Variants in CDH18 observed in about 807,000 individuals in gnomAD.
CDH18 encodes the protein cadherin 18.
In CDH18, 31 loss-of-function variants were observed where a neutral mutation model predicts 67.9. The ratio of observed to expected loss-of-function variants is 0.46; its 90% CI spans 0.34 to 0.62. The LOEUF is 0.62. Among genes scored for constraint, CDH18 ranks in the 20% least tolerant of loss-of-function variants. CDH18 has a pLI of 0.01. For synonymous variants in CDH18, 362 were observed against 347.2 expected (o/e 1.04, Z -0.48); for missense variants, 890 against 975.5 (o/e 0.91, Z 1.17).
At chr5:20,249,861 G>GT (rs1459904192) in intron 2 of CDH18, among the ~76,000 whole-genome samples, 1 of 152,160 alleles carries the variant, frequency 6.6e-6, no homozygotes, top group Non-Finnish European at 1.5e-5. Flanking sequence ...GAGAAGAAGA[G>GT]TGTGAACATT....
At chr5:20,435,971 A>G (rs370269921) in intron 1 of CDH18, among the ~76,000 whole-genome samples, 2 of 152,020 alleles carry the variant, frequency 1.3e-5, no homozygotes, top group African/African-American at 4.8e-5. Context: ...AAGTACTTCT[A>G]AGTTTTCAAA....
At chr5:20,315,526 G>C (rs962531160) in intron 1 of CDH18, among the ~76,000 whole-genome samples, 3 of 152,052 alleles carry the variant, frequency 2.0e-5, no homozygotes. Flanking sequence ...TTTAACAAGG[G>C]CCTACTGAGC....
At chr5:20,511,447 T>C (rs72746847) in intron 1 of CDH18, among the ~76,000 whole-genome samples, 3 of 152,130 alleles carry the variant, frequency 2.0e-5, no homozygotes, top group Admixed American at 1.3e-4. Context: ...TTGCCAGCCA[T>C]TTTTTATAAT....
chr5:19,521,131 T>C (rs1370517248), intron 9 of CDH18, among the ~76,000 whole-genome samples: 4 of 152,186 alleles, frequency 2.6e-5, no homozygotes, highest in Non-Finnish European at 4.4e-5. Flanking sequence ...AACACAGCAG[T>C]TGGTAAAAAA....
chr5:20,557,444 CAT>C (rs1452655556), intron 1 of CDH18, among the ~76,000 whole-genome samples: 2 of 151,954 alleles, frequency 1.3e-5, no homozygotes, highest in African/African-American at 4.8e-5. Flanking sequence ...AGTAGTAACA[CAT>C]ATGTGATAAA....
At chr5:19,535,026 A>G (rs1248052370) in intron 9 of CDH18, among the ~76,000 whole-genome samples, 1 of 152,184 alleles carries the variant, frequency 6.6e-6, no homozygotes, top group Non-Finnish European at 1.5e-5. Flanking sequence ...GGGCCCAGTC[A>G]CATTTTGAAA....
intron 2 of CDH18, among the ~76,000 whole-genome samples, chr5:20,166,773 C>G (rs913309750): frequency 1.3e-5 from 2 of 152,124 alleles, no homozygotes; most frequent in Admixed American, 6.6e-5. Context: ...TTTGTTAACC[C>G]TTTCTTCTTT....
intron 2 of CDH18, among the ~76,000 whole-genome samples, chr5:20,025,183 CCT>C (rs1292508909): frequency 6.6e-6 from 1 of 152,036 alleles, no homozygotes; most frequent in African/African-American, 2.4e-5. Flanking sequence ...GCAGACACTC[CCT>C]CTTTACTACA....
chr5:19,609,735 C>G (rs751876840), intron 6 of CDH18, among the ~76,000 whole-genome samples: 51 of 151,972 alleles, frequency 3.4e-4, no homozygotes, highest in Non-Finnish European at 6.5e-4. Context: ...AGAAATATAA[C>G]TGTCTCAGAC....
chr5:20,160,140 C>T (rs1026138991), intron 2 of CDH18, among the ~76,000 whole-genome samples: 2 of 152,188 alleles, frequency 1.3e-5, no homozygotes, highest in African/African-American at 4.8e-5. Context: ...AAAATCAGGA[C>T]TGCATAGTCC....
At chr5:20,231,437 C>T (rs1399335661) in intron 2 of CDH18, among the ~76,000 whole-genome samples, 1 of 151,826 alleles carries the variant, frequency 6.6e-6, no homozygotes, top group East Asian at 1.9e-4. Flanking sequence ...CCCGTCTCTA[C>T]TAAAAATACA....
chr5:20,012,140 C>T (rs1580026891), intron 2 of CDH18, among the ~76,000 whole-genome samples: 1 of 151,664 alleles, frequency 6.6e-6, no homozygotes. Context: ...TTCCATGGTT[C>T]AATTTCTTCC....
At chr5:19,829,691 T>G (rs1780808387) in intron 3 of CDH18, among the ~76,000 whole-genome samples, 1 of 152,212 alleles carries the variant, frequency 6.6e-6, no homozygotes, top group East Asian at 1.9e-4. Context: ...ATTTCATTCT[T>G]CACAGAATTT....
intron 2 of CDH18, among the ~76,000 whole-genome samples, chr5:20,185,092 T>C (rs945612509): frequency 4.6e-5 from 7 of 152,108 alleles, no homozygotes; most frequent in Admixed American, 2.0e-4. Flanking sequence ...TTCCAATAAA[T>C]AGCAACTCTA....
At chr5:20,028,266 A>T (rs578040109) in intron 2 of CDH18, among the ~76,000 whole-genome samples, 2 of 152,126 alleles carry the variant, frequency 1.3e-5, no homozygotes, top group African/African-American at 4.8e-5. Context: ...TCTTTCTCCT[A>T]TATGAAAACA....
chr5:20,049,413 A>T (rs535142438), intron 2 of CDH18, among the ~76,000 whole-genome samples: 19 of 147,004 alleles, frequency 1.3e-4, no homozygotes, highest in South Asian at 1.1e-3. Flanking sequence ...ACTAGACTTA[A>T]TGCTTGGGTA....
intron 1 of CDH18, among the ~76,000 whole-genome samples, chr5:20,452,907 A>T (rs1224869482): frequency 6.6e-6 from 1 of 152,196 alleles, no homozygotes; most frequent in Admixed American, 6.5e-5. Flanking sequence ...TTATATGTGT[A>T]TATTAACTTA....
At chr5:20,465,071 G>T (rs1297835258) in intron 1 of CDH18, among the ~76,000 whole-genome samples, 3 of 152,076 alleles carry the variant, frequency 2.0e-5, no homozygotes, top group Non-Finnish European at 4.4e-5. Flanking sequence ...ACATGTAAAT[G>T]ACACGAGAGA....
At chr5:19,546,548 C>A (rs1736345217) in intron 8 of CDH18, among the ~76,000 whole-genome samples, 2 of 152,182 alleles carry the variant, frequency 1.3e-5, no homozygotes, top group South Asian at 4.1e-4. Flanking sequence ...AGATGAAAAG[C>A]TGGGTAGAAA....
Sources: gnomAD v4.1 joint callset for allele counts (sites outside exome capture counted in the v4.1 genomes callset) on GRCh38, gnomAD v4.1.1 for gene constraint, MANE v1.5 for transcripts, NCBI Gene and HGNC (gene_info 2026-07-23, HGNC 2026-07-21) for gene names.